Variants in ADA2 observed in about 807,000 individuals in gnomAD.
The protein encoded by ADA2 is adenosine deaminase CECR1.
ADA2 carries 29 observed loss-of-function variants against 44.2 expected under a neutral mutation model. The observed-to-expected ratio is 0.66, with a 90% CI of 0.49 to 0.89. The LOEUF (loss-of-function observed/expected upper bound fraction) is 0.89, where lower values mean the gene tolerates loss of function less well. Ranked by LOEUF, ADA2 falls within the 40% of genes least tolerant of loss-of-function variation. The pLI is 0.00. For missense variants in ADA2, 637 were observed against 644.8 expected (o/e 0.99, Z 0.13); for synonymous variants, 215 against 234.9 (o/e 0.92, Z 0.77).
intron 2 of ADA2, among the ~76,000 whole-genome samples, chr22:17,207,663 T>C (rs561333462): frequency 5.3e-5 from 8 of 152,100 alleles, no homozygotes; most frequent in African/African-American, 1.9e-4. Flanking sequence ...GCATCAGGCT[T>C]GGAACCAGAG....
At chr22:17,205,946 G>A (rs146679365) in intron 3 of ADA2, among the ~76,000 whole-genome samples, 221 of 152,310 alleles carry the variant, frequency 1.5e-3, no homozygotes, top group African/African-American at 5.2e-3. Context: ...TCTGAAGTGA[G>A]CCGAGATTGT....
intron 6 of ADA2, 103 bp downstream of exon 6, chr22:17,189,839 C>A: frequency 1.3e-6 from 1 of 785,400 alleles, no homozygotes; most frequent in Non-Finnish European, 2.2e-6. Flanking sequence ...AGGGTACCAA[C>A]AGGCACATTG....
At chr22:17,182,415 G>A (rs757719043) in intron 8 of ADA2, among the ~76,000 whole-genome samples, 189 bp downstream of exon 8, 1 of 152,148 alleles carries the variant, frequency 6.6e-6, no homozygotes, top group Non-Finnish European at 1.5e-5. Context: ...CCTCACTGCT[G>A]CCTCATTCTT....
rs1601454629 is a variant in ADA2 at position 17,203,590 on chromosome 22, G to A, written c.726C>T (p.Tyr242=). 2 of 1,612,706 alleles carry A rather than the reference G, an allele frequency of 1.2e-6. No individual in the cohort carries two copies. The highest frequency in any genetic ancestry group is 8.5e-7 in the Non-Finnish European group (1 of 1,179,918). The change falls in exon 4 of 10, where the codon TAC becomes TAT. Residue 242 remains tyrosine, a synonymous_variant. Transcript: ENST00000399837. The part of the protein sequence containing the change: ...MQEFYEDNVL[Y]MEIRARLLPV... ...GCAGCAGCCTGGCTCTGATCTCCAT[G>A]TAGAGCACGTTGTCCTCGTAGAACT...
chr22:17,198,494 T>C (rs947864240), intron 4 of ADA2: 2 of 152,190 alleles, frequency 1.3e-5, no homozygotes, highest in African/African-American at 4.8e-5. Flanking sequence ...TTCGCTTCAT[T>C]CAGCAAGGAG....
At chr22:17,203,127 C>A in intron 4 of ADA2, among the ~76,000 whole-genome samples, 1 of 152,260 alleles carries the variant, frequency 6.6e-6, no homozygotes, top group Middle Eastern at 3.4e-3. Flanking sequence ...CAGCATGTTA[C>A]TGAAACTGCT....
At chr22:17,214,832 A>G (rs181496572) in intron 1 of ADA2, among the ~76,000 whole-genome samples, 41 of 152,362 alleles carry the variant, frequency 2.7e-4, no homozygotes, top group Non-Finnish European at 5.3e-4. Context: ...GCCATGGCAG[A>G]CATTGCTAAT....
At chr22:17,187,027 G>A (rs1465211825) in intron 7 of ADA2, among the ~76,000 whole-genome samples, 5 of 151,648 alleles carry the variant, frequency 3.3e-5, no homozygotes, top group South Asian at 4.2e-4. Flanking sequence ...TTAGCCGGGC[G>A]TGGTGGCGGG....
In ADA2 at chr22:17,209,403, A is replaced by G; in HGVS notation, c.275T>C (p.Leu92Pro). Reference protein sequence around the residue: ...PSMHFFQAKHLIERSQVFNIL... With the variant: ...PSMHFFQAKHPIERSQVFNIL... ...ATTAAACACTTGACTTCTCTCAATG[A>G]GATGCTTGGCCTGGAAAAAGTGCAT... is the stretch of plus-strand genomic sequence containing the variant. Residue 92 changes from leucine to proline, a missense_variant, in exon 2 of 10, where the codon CTC (leucine) becomes CCC (proline). Coordinates refer to ENST00000399837, the MANE Select transcript of ADA2 (RefSeq NM_001282225.2). 6.2e-7 allele frequency: 1 copy of G among 1,614,074 alleles called. No homozygotes were observed.
intron 5 of ADA2, among the ~76,000 whole-genome samples, chr22:17,190,841 G>C (rs542183902): frequency 1.3e-5 from 2 of 152,218 alleles, no homozygotes; most frequent in Non-Finnish European, 1.5e-5. Flanking sequence ...CCCTCCTAGG[G>C]GGACCGGCAC....
intron 1 of ADA2, among the ~76,000 whole-genome samples, chr22:17,212,834 C>A (rs1263111688): frequency 1.3e-5 from 2 of 151,070 alleles, no homozygotes; most frequent in Non-Finnish European, 2.9e-5. Flanking sequence ...GGCTGGAATG[C>A]AGTAGCGTGA....
chr22:17,205,875 G>A (rs188009004), intron 3 of ADA2, among the ~76,000 whole-genome samples: 1 of 143,626 alleles, frequency 7.0e-6, no homozygotes, highest in East Asian at 1.9e-4. Flanking sequence ...GACACAGGAG[G>A]ATTGCTTCAG....
chr22:17,212,537 G>A lies in ADA2; in HGVS notation c.-46-2814C>T, dbSNP rs548402388. ...GATCCTCCTGCCTTGGCCTCCCAAA[G>A]TGCTGGGATTACAGGCGTGAGTCAC... On this transcript the variant is annotated intron_variant, in intron 1 of 9. Transcript: ENST00000399837. Among the ~76,000 whole-genome samples the A allele has an allele frequency of 1.1e-3, 174 of 152,072 alleles. 1 individual carries two copies. Among genetic ancestry groups the A allele is most frequent in the African/African-American group, 4.1e-3 (171 of 41,496 alleles).
chr22:17,188,967 C>T (rs1189357601), intron 6 of ADA2, among the ~76,000 whole-genome samples: 3 of 148,870 alleles, frequency 2.0e-5, no homozygotes, highest in African/African-American at 2.5e-5. Flanking sequence ...CCTTGGCCCC[C>T]CAAGGTGCTG....
At chr22:17,202,327 A>T (rs2062299190) in intron 4 of ADA2, among the ~76,000 whole-genome samples, 1 of 151,528 alleles carries the variant, frequency 6.6e-6, no homozygotes, top group South Asian at 2.1e-4. Flanking sequence ...ACAGGGTTTC[A>T]CCATGTTGGC....
chr22:17,199,112 TCCCCTC>T (rs1353742375), intron 4 of ADA2, among the ~76,000 whole-genome samples: 7 of 151,852 alleles, frequency 4.6e-5, no homozygotes, highest in African/African-American at 1.7e-4. Context: ...AATGGGCACA[TCCCCTC>T]CCCCTCCCCC....
Position 17,180,410 on chromosome 22 carries a change from G to A in ADA2, c.*1073C>T, listed in dbSNP as rs73385921. 0.046 allele frequency: 6,944 copies of A among 152,166 alleles called. 355 individuals carry two copies. The highest frequency in any genetic ancestry group is 0.13 in the African/African-American group (5,351 of 41,428). 9.4% of individuals were successfully genotyped at this position (152,166 alleles called of 1,614,324 possible). On this transcript the variant is annotated 3_prime_UTR_variant, in exon 10 of 10. Transcript: ENST00000399837. ...CGTTCTGATGTAGGGAGTGGGGGAC[G>A]GCGCAGCATCAAGACTTGCACTGAA...
chr22:17,215,378 C>G (rs2062459484), intron 1 of ADA2, among the ~76,000 whole-genome samples: 3 of 150,008 alleles, frequency 2.0e-5, no homozygotes, highest in Admixed American at 2.0e-4. Flanking sequence ...AGGCAGGAGG[C>G]AGGTGGATCA....
chr22:17,195,447 T>C (rs1488639794), intron 4 of ADA2, among the ~76,000 whole-genome samples: 1 of 151,950 alleles, frequency 6.6e-6, no homozygotes, highest in African/African-American at 2.4e-5. Flanking sequence ...GAGAATCGCT[T>C]GAACCCGGGA....
Sources: gnomAD v4.1 joint callset for allele counts (sites outside exome capture counted in the v4.1 genomes callset) on GRCh38, gnomAD v4.1.1 for gene constraint, MANE v1.5 for transcripts, NCBI Gene and HGNC (gene_info 2026-07-23, HGNC 2026-07-21) for gene names.